Variants in AJAP1 observed in about 807,000 individuals in gnomAD.
AJAP1 encodes the protein adherens junction-associated protein 1.
In AJAP1, 5 loss-of-function variants were observed where a neutral mutation model predicts 35.0. The ratio of observed to expected loss-of-function variants is 0.14; its 90% CI spans 0.07 to 0.30. AJAP1 has a LOEUF of 0.30. Ranked by LOEUF, AJAP1 falls within the 10% of genes least tolerant of loss-of-function variation. The pLI is 1.00. For missense variants in AJAP1, 586 were observed against 571.0 expected, an observed-to-expected ratio of 1.03 and a Z score of -0.27; for synonymous variants, 284 against 249.3, an observed-to-expected ratio of 1.14 and a Z score of -1.31.
At chr1:4,751,417 C>T (rs928701206) in intron 2 of AJAP1, among the ~76,000 whole-genome samples, 1 of 152,228 alleles carries the variant, frequency 6.6e-6, no homozygotes, top group Non-Finnish European at 1.5e-5. Context: ...AGCCCACAGC[C>T]AGGTGTGCCC....
intron 1 of AJAP1, among the ~76,000 whole-genome samples, chr1:4,668,169 G>A (rs12133909): frequency 1.3e-5 from 2 of 151,530 alleles, no homozygotes; most frequent in South Asian, 2.1e-4. Context: ...AGCTGAGATC[G>A]CACCACTGCA....
chr1:4,747,183 T>C (rs61766967), intron 2 of AJAP1, among the ~76,000 whole-genome samples: 4,699 of 152,160 alleles, frequency 0.031, 104 homozygotes, highest in Middle Eastern at 0.054. Flanking sequence ...CTTGCGGGCA[T>C]TTGCTGTGCC....
chr1:4,701,429 C>T (rs1639987501), intron 1 of AJAP1, among the ~76,000 whole-genome samples: 1 of 152,182 alleles, frequency 6.6e-6, no homozygotes, highest in Admixed American at 6.5e-5. Flanking sequence ...TTGGGAGCAG[C>T]TGTAGGTCAG....
At chr1:4,767,503 CCAT>C (rs1352851866) in intron 2 of AJAP1, among the ~76,000 whole-genome samples, 1 of 150,032 alleles carries the variant, frequency 6.7e-6, no homozygotes, top group Non-Finnish European at 1.5e-5. Context: ...ATCATTATCA[CCAT>C]CATCACCATC....
intron 4 of AJAP1, 93 bp downstream of exon 4, chr1:4,772,618 C>A (rs1050644784): frequency 3.3e-6 from 5 of 1,533,748 alleles, no homozygotes; most frequent in African/African-American, 2.7e-5. Context: ...AGCTGTTGGT[C>A]GGTTTAGGTC....
rs752557812 is a variant in AJAP1, at chr1:4,712,352, G to A, written c.482G>A (p.Gly161Glu). The A allele has an allele frequency of 2.0e-6, 3 of 1,507,290 alleles. No individual in the cohort carries two copies. Among genetic ancestry groups the A allele is most frequent in the Admixed American group, 2.2e-5 (1 of 46,340 alleles). The allele number at this position is 1,507,290 out of a possible 1,614,324, so 93.4% of individuals were successfully genotyped here. The change falls in exon 2 of 6, where the codon GGG (glycine) becomes GAG (glutamate). Residue 161 changes from glycine (G) to glutamate (E), a missense_variant. By Grantham distance (98) the Gly-to-Glu change is moderately conservative. Transcript: ENST00000378191. ...AGGAGGGGCAAGAGGCACCTGCAGG[G>A]GGACGGTCTCAGCAGCTTCGACTCC... ...LLRRGKRHLQ[G>E]DGLSSFDSRG...
intron 1 of AJAP1, among the ~76,000 whole-genome samples, chr1:4,659,140 A>G (rs1346216839): frequency 2.6e-5 from 4 of 152,206 alleles, no homozygotes; most frequent in South Asian, 2.1e-4. Flanking sequence ...GATTGCAAAC[A>G]GCTGAGCCTT....
At chr1:4,763,091 G>A (rs1641608595) in intron 2 of AJAP1, among the ~76,000 whole-genome samples, 5 of 152,222 alleles carry the variant, frequency 3.3e-5, no homozygotes, top group Admixed American at 2.0e-4. Flanking sequence ...CAAGGCTTCA[G>A]CTGCAGTGAT....
At chr1:4,661,972 A>T (rs1159670627) in intron 1 of AJAP1, among the ~76,000 whole-genome samples, 1 of 152,218 alleles carries the variant, frequency 6.6e-6, no homozygotes, top group Non-Finnish European at 1.5e-5. Flanking sequence ...AAACTGTGGA[A>T]ATCAATGAAT....
At position 4,784,578 on chromosome 1, in the gene AJAP1, C is replaced by T. The variant is rs183014346; in HGVS notation, c.*2093C>T. Reference sequence around the variant, plus strand: ...ATGCTTCAGAAGTTCACTTTTGTATCTCCTGAAACATGTGAACCTAGAGTA... The same window carrying T: ...ATGCTTCAGAAGTTCACTTTTGTATTTCCTGAAACATGTGAACCTAGAGTA... On this transcript the variant is annotated 3_prime_UTR_variant, in exon 6 of 6. Coordinates refer to ENST00000378191, the MANE Select transcript of AJAP1 (RefSeq NM_018836.4). 6.6e-5 allele frequency: 10 copies of T among 152,324 alleles called. No homozygotes were observed. The highest frequency in any genetic ancestry group is 5.8e-4 in the East Asian group (3 of 5,188). The allele number at this position is 152,324 out of a possible 1,614,324, so 9.4% of individuals were successfully genotyped here.
intron 2 of AJAP1, among the ~76,000 whole-genome samples, chr1:4,764,787 A>G (rs1641644409): frequency 6.6e-6 from 1 of 152,324 alleles, no homozygotes; most frequent in South Asian, 2.1e-4. Flanking sequence ...ATCCAAGTGT[A>G]CCAGCCAAAC....
At chr1:4,730,191 T>C (rs745659023) in intron 2 of AJAP1, among the ~76,000 whole-genome samples, 2 of 152,232 alleles carry the variant, frequency 1.3e-5, no homozygotes, top group Non-Finnish European at 2.9e-5. Flanking sequence ...ATTTCCATGA[T>C]TGCTAATCGT....
At chr1:4,711,492 C>T (rs745427155) in intron 1 of AJAP1, among the ~76,000 whole-genome samples, 1 of 152,206 alleles carries the variant, frequency 6.6e-6, no homozygotes. Flanking sequence ...CTCTCACTTA[C>T]GTCCTCTCGT....
At chr1:4,716,181 G>T (rs1341839806) in intron 2 of AJAP1, among the ~76,000 whole-genome samples, 3 of 152,212 alleles carry the variant, frequency 2.0e-5, no homozygotes, top group Admixed American at 2.0e-4. Context: ...CATTACTTGG[G>T]ATAACTGCTG....
chr1:4,670,953 GGCCCTTCAAGGCCCTTCT>G (rs1639235578), intron 1 of AJAP1, among the ~76,000 whole-genome samples: 1 of 152,234 alleles, frequency 6.6e-6, no homozygotes. Flanking sequence ...CCTGGGCTGT[GGCCCTTCAAGGCCCTTCT>G]AAGGGATTTG....
At chr1:4,774,343 C>T in intron 4 of AJAP1, 84 bp from the exon 5 acceptor site, 1 of 1,302,882 alleles carries the variant, frequency 7.7e-7, no homozygotes, top group Non-Finnish European at 1.1e-6. Flanking sequence ...AAGCCAGTCC[C>T]CACCACAGGC....
chr1:4,753,077 T>C (rs1025818822), intron 2 of AJAP1, among the ~76,000 whole-genome samples: 1 of 113,074 alleles, frequency 8.8e-6, no homozygotes, highest in Non-Finnish European at 1.9e-5. Flanking sequence ...ACCATGAATC[T>C]TCTCCTTCTT....
Position 4,655,933 on chromosome 1 carries a change from G to C in AJAP1, c.29+479G>C, listed in dbSNP as rs939187346. Among the ~76,000 whole-genome samples the C allele has an allele frequency of 8.6e-5, 13 of 151,898 alleles. No homozygotes were observed. The highest frequency in any genetic ancestry group is 3.1e-4 in the African/African-American group (13 of 41,384). On this transcript the variant is annotated intron_variant, in intron 1 of 5. Transcript: ENST00000378191. This position sits in a 1 kb window ranked among gnomAD's most constrained non-coding sequence, Gnocchi z 6.9. ...GAAACCACAGCCAAACAGCCACTCC[G>C]CTCCCCCTTCTCCTTTCTCGGGGCC...
intron 2 of AJAP1, among the ~76,000 whole-genome samples, chr1:4,762,217 A>G (rs978193979): frequency 2.6e-5 from 4 of 152,212 alleles, no homozygotes; most frequent in African/African-American, 9.6e-5. Context: ...TGTGTCTGCC[A>G]TGTCTTAGCT....
Sources: allele counts gnomAD v4.1 joint callset (sites outside exome capture counted in the v4.1 genomes callset), GRCh38; gene constraint gnomAD v4.1.1; non-coding constraint Gnocchi (gnomAD v3.1); transcripts MANE v1.5; gene names NCBI Gene and HGNC (gene_info 2026-07-23, HGNC 2026-07-21).